The following LRP1B variants were observed in gnomAD, a reference collection of about 807,000 sequenced individuals.
The protein encoded by LRP1B is low-density lipoprotein receptor-related protein 1B.
Under a neutral mutation model 556.6 loss-of-function variants are expected in LRP1B, and 217 were observed. That is an observed-to-expected ratio of 0.39 (90% CI 0.35 to 0.44). The LOEUF (loss-of-function observed/expected upper bound fraction) is 0.44, where lower values mean the gene tolerates loss of function less well. LRP1B is among the 20% of genes least tolerant of loss of function. LRP1B has a pLI of 1.00. For synonymous variants in LRP1B, 2,047 were observed against 1,865.8 expected (o/e 1.10, Z -2.50); for missense variants, 5,053 against 5,620.8 (o/e 0.90, Z 3.23).
At position 140,510,001 on chromosome 2, in the gene LRP1B, C is replaced by T. The variant is rs762843535; in HGVS notation, c.8325G>A (p.Val2775=). 1.2e-5 allele frequency: 20 copies of T among 1,613,866 alleles called. No individual in the cohort carries two copies. The highest frequency in any genetic ancestry group is 1.2e-4 in the Admixed American group (7 of 59,996). ...CACCATCACAAAGCCAATGTCGGGGCACGCAGGCACGAGAGCCCTGGCAGC... is the reference window on the plus strand; with the variant it reads ...CACCATCACAAAGCCAATGTCGGGGTACGCAGGCACGAGAGCCCTGGCAGC... ...MFSCQGSRAC[V]PRHWLCDGER... Residue 2775 remains valine (V), a synonymous_variant, in exon 52 of 91, where the codon GTG becomes GTA. Coordinates refer to ENST00000389484, the MANE Select transcript of LRP1B (RefSeq NM_018557.3).
chr2:141,812,899 CAATG>C (rs1184385133), intron 1 of LRP1B, among the ~76,000 whole-genome samples: 1 of 150,608 alleles, frequency 6.6e-6, no homozygotes, highest in Non-Finnish European at 1.5e-5. Context: ...TAGACTTAAA[CAATG>C]GATGGCATCA....
At chr2:140,624,103 C>G (rs1683565470) in intron 41 of LRP1B, among the ~76,000 whole-genome samples, 1 of 151,786 alleles carries the variant, frequency 6.6e-6, no homozygotes, top group Admixed American at 6.6e-5. Flanking sequence ...CTGAATTTAG[C>G]TATGACTGAA....
At chr2:142,075,503 G>T (rs113271898) in intron 1 of LRP1B, among the ~76,000 whole-genome samples, 10,466 of 152,014 alleles carry the variant, frequency 0.069, 419 homozygotes, top group African/African-American at 0.097. Flanking sequence ...TTCATATAAG[G>T]TGCTTATAAC....
chr2:141,717,535 C>G (rs1384339521), intron 2 of LRP1B, among the ~76,000 whole-genome samples: 1 of 152,102 alleles, frequency 6.6e-6, no homozygotes, highest in Non-Finnish European at 1.5e-5. Context: ...ATGGAAACAA[C>G]AGTTAAAGCT....
At chr2:142,068,936 T>C (rs1705210312) in intron 1 of LRP1B, among the ~76,000 whole-genome samples, 1 of 151,648 alleles carries the variant, frequency 6.6e-6, no homozygotes, top group Admixed American at 6.6e-5. Context: ...GCATGAATAA[T>C]AGAATGTAGC....
intron 7 of LRP1B, among the ~76,000 whole-genome samples, chr2:141,183,796 A>G (rs1265989586): frequency 6.6e-6 from 1 of 152,056 alleles, no homozygotes; most frequent in African/African-American, 2.4e-5. Flanking sequence ...GGTTTTATCA[A>G]TGGTACCCCA....
chr2:141,004,623 A>G lies in LRP1B; in HGVS notation c.2503+712T>C, dbSNP rs368930812. On this transcript the variant is annotated intron_variant, in intron 15 of 90. Coordinates refer to ENST00000389484, the MANE Select transcript of LRP1B (RefSeq NM_018557.3). ...ATTCCTTATAATAAATCTTCTCTCT[A>G]TGTATTATATACATCCTATTAGTTC... Among the ~76,000 whole-genome samples the G allele has an allele frequency of 1.6e-4, 24 of 152,108 alleles. No individual in the cohort carries two copies. In the East Asian group the frequency reaches 3.9e-3, roughly 25 times the overall value.
At chr2:141,096,901 A>C (rs1475719284) in intron 7 of LRP1B, among the ~76,000 whole-genome samples, 1 of 152,170 alleles carries the variant, frequency 6.6e-6, no homozygotes, top group African/African-American at 2.4e-5. Context: ...ACATGAAGTA[A>C]GGTCAGAAAG....
chr2:141,103,484 A>G (rs1700517371), intron 7 of LRP1B, among the ~76,000 whole-genome samples: 1 of 141,056 alleles, frequency 7.1e-6, no homozygotes, highest in Non-Finnish European at 1.5e-5. Flanking sequence ...AAATTGGGAT[A>G]TAAGTACATT....
At chr2:140,381,672 G>A (rs1683493615) in intron 67 of LRP1B, among the ~76,000 whole-genome samples, 1 of 151,820 alleles carries the variant, frequency 6.6e-6, no homozygotes, top group African/African-American at 2.4e-5. Flanking sequence ...AGACCAGTCT[G>A]GCCAACATGG....
intron 3 of LRP1B, among the ~76,000 whole-genome samples, chr2:141,373,477 C>A (rs1434738562): frequency 4.6e-5 from 7 of 152,056 alleles, no homozygotes; most frequent in Admixed American, 1.3e-4. Flanking sequence ...CTGTCTATCT[C>A]TTTTTTAAAG....
At chr2:141,892,302 C>T (rs1266784647) in intron 1 of LRP1B, among the ~76,000 whole-genome samples, 1 of 151,764 alleles carries the variant, frequency 6.6e-6, no homozygotes, top group Non-Finnish European at 1.5e-5. Context: ...TCCAATATTT[C>T]ATCCAAGAAA....
At chr2:141,407,230 C>T (rs1374067158) in intron 3 of LRP1B, among the ~76,000 whole-genome samples, 1 of 152,118 alleles carries the variant, frequency 6.6e-6, no homozygotes, top group Non-Finnish European at 1.5e-5. Context: ...CAGCCCATTA[C>T]TTTACCAGTT....
chr2:141,891,757 A>T (rs974159161), intron 1 of LRP1B, among the ~76,000 whole-genome samples: 10 of 152,098 alleles, frequency 6.6e-5, no homozygotes, highest in Non-Finnish European at 1.3e-4. Flanking sequence ...CTGTACTTAG[A>T]TATACATCTG....
chr2:141,430,194 A>T (rs952246696), intron 3 of LRP1B, among the ~76,000 whole-genome samples: 9 of 151,974 alleles, frequency 5.9e-5, no homozygotes, highest in Admixed American at 1.3e-4. Flanking sequence ...GATTTCTCAA[A>T]AGTCACTGGA....
intron 43 of LRP1B, among the ~76,000 whole-genome samples, chr2:140,543,573 C>A (rs1352379577): frequency 3.3e-5 from 5 of 151,654 alleles, no homozygotes; most frequent in African/African-American, 1.2e-4. Flanking sequence ...GACAAAAACT[C>A]AAAAAATATG....
intron 2 of LRP1B, among the ~76,000 whole-genome samples, chr2:141,571,041 C>T (rs9967805): frequency 0.39 from 58,169 of 150,768 alleles, 13,290 homozygotes; most frequent in Non-Finnish European, 0.47. Context: ...AGACACACCC[C>T]GTCCACCAAG....
At chr2:141,156,010 A>G (rs2105097341) in intron 7 of LRP1B, among the ~76,000 whole-genome samples, 1 of 152,254 alleles carries the variant, frequency 6.6e-6, no homozygotes, top group East Asian at 1.9e-4. Flanking sequence ...CTCCATCACC[A>G]TCAGACATTC....
chr2:140,478,840 G>A (rs1250404521), intron 59 of LRP1B, among the ~76,000 whole-genome samples: 1 of 151,962 alleles, frequency 6.6e-6, no homozygotes, highest in African/African-American at 2.4e-5. Flanking sequence ...ACATTGATAA[G>A]TATGTAGCAA....
Sources: gnomAD v4.1 joint callset for allele counts (sites outside exome capture counted in the v4.1 genomes callset) on GRCh38, gnomAD v4.1.1 for gene constraint, MANE v1.5 for transcripts, NCBI Gene and HGNC (gene_info 2026-07-23, HGNC 2026-07-21) for gene names.